PKHD1: variants seen among roughly 807,000 people sequenced by gnomAD.
PKHD1 encodes the protein PKHD1 ciliary IPT domain containing fibrocystin/polyductin, also known as fibrocystin.
A neutral mutation model predicts 412.0 loss-of-function variants in PKHD1; 291 were observed. That is an observed-to-expected ratio of 0.71 (90% CI 0.64 to 0.78). The LOEUF is 0.78. Ranked by LOEUF, PKHD1 falls within the 30% of genes least tolerant of loss-of-function variation. The pLI is 0.00. For synonymous variants in PKHD1, 1,777 were observed against 1,821.5 expected (o/e 0.98, Z 0.62); for missense variants, 4,825 against 4,950.7 (o/e 0.97, Z 0.76).
At chr6:52,073,397 G>A in intron 7 of PKHD1, 66 bp downstream of exon 7, 2 of 967,290 alleles carry the variant, frequency 2.1e-6, no homozygotes, top group Non-Finnish European at 3.4e-6. Context: ...CATCAGGGAA[G>A]CTGGTCCCAG....
chr6:51,941,338 C>T (rs1434233591), intron 36 of PKHD1, among the ~76,000 whole-genome samples: 5 of 141,522 alleles, frequency 3.5e-5, no homozygotes, highest in Non-Finnish European at 6.1e-5. Context: ...TCACTGCAAG[C>T]TCCGCTTCCC....
chr6:51,962,325 G>A (rs1792174147), intron 35 of PKHD1, among the ~76,000 whole-genome samples: 1 of 151,980 alleles, frequency 6.6e-6, no homozygotes, highest in Non-Finnish European at 1.5e-5. Flanking sequence ...TATTTAAGTG[G>A]GTCAAAGGTA....
rs752016211 is a variant in PKHD1, at chr6:52,010,466, C to T, written c.5601-7G>A. On this transcript the variant is annotated splice_polypyrimidine_tract_variant and splice_region_variant and intron_variant, in intron 34 of 66. Coordinates refer to ENST00000371117, the MANE Select transcript of PKHD1 (RefSeq NM_138694.4). ...ATCTCTTTCCAATTTAGGGCTGAAA[C>T]GAGAGGGGAGGTTAAATGGGGTGTC... 12 of 1,575,454 alleles carry T rather than the reference C, an allele frequency of 7.6e-6. No individual in the cohort carries two copies. The highest frequency in any genetic ancestry group is 6.7e-5 in the East Asian group (3 of 44,694).
At chr6:51,747,766 A>G (rs1785408696) in intron 58 of PKHD1, 21 bp downstream of exon 58, 1 of 1,602,644 alleles carries the variant, frequency 6.2e-7, no homozygotes, top group African/African-American at 1.3e-5. Flanking sequence ...GGCACTGCCT[A>G]GATAAAATAA....
At chr6:51,740,877 C>T (rs1582394569) in intron 60 of PKHD1, among the ~76,000 whole-genome samples, 1 of 152,124 alleles carries the variant, frequency 6.6e-6, no homozygotes, top group Non-Finnish European at 1.5e-5. Context: ...CAGCAGATTC[C>T]ACTGTGGGAA....
chr6:51,799,187 G>A (rs1430404507), intron 52 of PKHD1, among the ~76,000 whole-genome samples: 1 of 152,036 alleles, frequency 6.6e-6, no homozygotes, highest in Non-Finnish European at 1.5e-5. Context: ...GCACACGTGT[G>A]TACACACACA....
intron 5 of PKHD1, among the ~76,000 whole-genome samples, chr6:52,076,536 T>C (rs1369385024): frequency 6.6e-6 from 1 of 152,198 alleles, no homozygotes; most frequent in Non-Finnish European, 1.5e-5. Flanking sequence ...ATTTCTCCTA[T>C]AGATGAGGTA....
At chr6:52,070,260 G>A (rs1257588345) in intron 10 of PKHD1, 146 bp downstream of exon 10, 64 of 636,110 alleles carry the variant, frequency 1.0e-4, no homozygotes, top group Non-Finnish European at 2.5e-5. Context: ...AAAAGTCAAG[G>A]AGTTATATGT....
intron 46 of PKHD1, among the ~76,000 whole-genome samples, chr6:51,871,313 T>TTTAGAAAAAAAAGGA (rs1562505563): frequency 2.3e-5 from 3 of 130,878 alleles, no homozygotes; most frequent in South Asian, 2.3e-4. Flanking sequence ...CAAACTGCAT[T>TTTAGAAAAAAAAGGA]ACATCTATCT....
At chr6:51,896,403 C>G (rs1288902501) in intron 43 of PKHD1, among the ~76,000 whole-genome samples, 8 of 152,174 alleles carry the variant, frequency 5.3e-5, no homozygotes, top group Admixed American at 3.9e-4. Context: ...AACAGGGGCA[C>G]ACTGACACCT....
intron 52 of PKHD1, among the ~76,000 whole-genome samples, chr6:51,824,614 T>A (rs1399725799): frequency 2.6e-5 from 4 of 152,024 alleles, no homozygotes; most frequent in Non-Finnish European, 5.9e-5. Context: ...ATAATGTTGA[T>A]TAAAGTTTTT....
chr6:51,955,182 G>A (rs559995022), intron 36 of PKHD1, among the ~76,000 whole-genome samples: 140 of 149,802 alleles, frequency 9.3e-4, no homozygotes, highest in Non-Finnish European at 1.8e-3. Context: ...GTGTTTAACG[G>A]TGCCCCTAAA....
rs531346819 is a variant in PKHD1, at chr6:51,883,056, G to A, written c.7350+37C>T. The stretch of plus-strand genomic sequence containing the variant: ...GGCCCAGCACATGTAATTTTGTTGT[G>A]ATTGACAGCCTAAAACAACCACACT... On this transcript the variant is annotated intron_variant, in intron 46 of 66. Coordinates refer to ENST00000371117, the MANE Select transcript of PKHD1 (RefSeq NM_138694.4). 5.9e-5 allele frequency: 93 copies of A among 1,582,084 alleles called. 1 individual carries two copies. The Admixed American group carries it at 1.5e-3, about 25-fold the overall frequency.
chr6:52,020,556 G>C (rs1365990109), intron 33 of PKHD1, among the ~76,000 whole-genome samples: 1 of 152,184 alleles, frequency 6.6e-6, no homozygotes, highest in Non-Finnish European at 1.5e-5. Flanking sequence ...AAGCTCCCGG[G>C]TGAGGCCCTT....
At chr6:51,904,925 G>C (rs1781851084) in intron 41 of PKHD1, among the ~76,000 whole-genome samples, 1 of 152,130 alleles carries the variant, frequency 6.6e-6, no homozygotes, top group African/African-American at 2.4e-5. Flanking sequence ...CCCTGTGGCT[G>C]TCCTTTTCTA....
intron 60 of PKHD1, among the ~76,000 whole-genome samples, chr6:51,738,689 C>T (rs1327568446): frequency 6.6e-6 from 1 of 152,168 alleles, no homozygotes; most frequent in Non-Finnish European, 1.5e-5. Flanking sequence ...AAGAAAGAGG[C>T]TGGCTCCTGT....
intron 46 of PKHD1, among the ~76,000 whole-genome samples, chr6:51,873,659 G>A (rs1471059888): frequency 5.9e-5 from 9 of 152,010 alleles, no homozygotes; most frequent in African/African-American, 1.9e-4. Context: ...AAGATGAGAG[G>A]GTAAGGAAAG....
chr6:51,750,978 T>C (rs1786026141), intron 57 of PKHD1, among the ~76,000 whole-genome samples: 1 of 152,084 alleles, frequency 6.6e-6, no homozygotes. Flanking sequence ...GGTTTCACCA[T>C]GTTGGCCAAG....
In PKHD1 at chr6:52,024,878, C is replaced by A. The variant is rs779028446; in HGVS notation, c.4932G>T (p.Trp1644Cys). The change falls in exon 32 of 67, where the codon TGG becomes TGT. Residue 1644 changes from tryptophan (W) to cysteine (C), a missense_variant. Trp to Cys is a radical substitution (Grantham distance 215). Transcript: ENST00000371117. ...TATAACCAATGACTCCTATGTGATA[C>A]CAAAGTCCATCTACCTCTATTTCCA... ...VALEIEVDGL[W>C]YHIGVIGYNK... 4 of 1,614,174 alleles carry A rather than the reference C, an allele frequency of 2.5e-6. No individual in the cohort carries two copies. The highest frequency in any genetic ancestry group is 2.5e-6 in the Non-Finnish European group (3 of 1,180,036).
Sources: allele counts gnomAD v4.1 joint callset (sites outside exome capture counted in the v4.1 genomes callset), GRCh38; gene constraint gnomAD v4.1.1; transcripts MANE v1.5; gene names NCBI Gene and HGNC (gene_info 2026-07-23, HGNC 2026-07-21).